Variants in ARAP2 observed in about 807,000 individuals in gnomAD.
ARAP2 encodes the protein ArfGAP with RhoGAP domain, ankyrin repeat and PH domain 2.
Under a neutral mutation model 194.5 loss-of-function variants are expected in ARAP2, and 148 were observed. The observed-to-expected ratio is 0.76, with a 90% CI of 0.67 to 0.87. The LOEUF is 0.87. Among genes scored for constraint, ARAP2 ranks in the 40% least tolerant of loss-of-function variants. The pLI, the probability that ARAP2 is intolerant of heterozygous loss-of-function variation, is 0.00. For synonymous variants in ARAP2, 695 were observed against 683.5 expected, an observed-to-expected ratio of 1.02 and a Z score of -0.26; for missense variants, 2,128 against 1,989.7, an observed-to-expected ratio of 1.07 and a Z score of -1.32.
Position 36,165,071 on chromosome 4 carries a change from T to A in ARAP2, c.2016A>T (p.Glu672Asp), listed in dbSNP as rs112163750. ...ETEKEKQDWI[E>D]AVQQSIAETL... ...TTTCTGCTATTGATTGCTGCACAGCTTCAATCCAGTCTTGTTTCTCCTTTT... is the reference window on the plus strand; with the variant it reads ...TTTCTGCTATTGATTGCTGCACAGCATCAATCCAGTCTTGTTTCTCCTTTT... Residue 672 changes from glutamate (E) to aspartate (D), a missense_variant, in exon 11 of 33, where the codon GAA becomes GAT. Transcript: ENST00000303965. 6 of 1,613,996 alleles carry A rather than the reference T, an allele frequency of 3.7e-6. No individual in the cohort carries two copies. Among genetic ancestry groups the A allele is most frequent in the Non-Finnish European group, 4.2e-6 (5 of 1,179,958 alleles).
rs1400778097 is a variant in ARAP2 at position 36,171,630 on chromosome 4, C to T, written c.1858-4583G>A. ...GCACATGTATACATATGTAACTAAC[C>T]TGCACATTGTGTACATGTACCCTAA... On this transcript the variant is annotated intron_variant, in intron 9 of 32. Coordinates refer to ENST00000303965, the MANE Select transcript of ARAP2 (RefSeq NM_015230.4). Among the ~76,000 whole-genome samples the T allele has an allele frequency of 2.0e-5, 3 of 151,816 alleles. No homozygotes were observed. In the South Asian group the frequency reaches 6.2e-4, roughly 32 times the overall value.
At chr4:36,093,427 C>G (rs926668065) in intron 27 of ARAP2, among the ~76,000 whole-genome samples, 9 of 151,996 alleles carry the variant, frequency 5.9e-5, no homozygotes, top group African/African-American at 1.9e-4. Flanking sequence ...ACTTGAAAAA[C>G]TAAATCTAAA....
intron 14 of ARAP2, 70 bp from the exon 15 acceptor site, chr4:36,158,934 G>T (rs1166171207): frequency 1.5e-6 from 2 of 1,370,528 alleles, no homozygotes; most frequent in South Asian, 1.6e-5. Flanking sequence ...TTTATAATAT[G>T]TACATGAGTT....
Position 36,158,838 on chromosome 4 carries a change from C to A in ARAP2, c.2644G>T (p.Glu882Ter). 1 of 1,602,654 alleles carries A rather than the reference C, an allele frequency of 6.2e-7. No homozygotes were observed. Among genetic ancestry groups the A allele is most frequent in the Non-Finnish European group, 8.5e-7 (1 of 1,176,796 alleles). ...SDFPQHDIHS[E>*]GVLSQESSQS... ...GAAGACTCTTGACTTAATACACCCTCGGAATGAATATCATGTTGAGGGAAA... is the reference window on the plus strand; with the variant it reads ...GAAGACTCTTGACTTAATACACCCTAGGAATGAATATCATGTTGAGGGAAA... The change falls in exon 15 of 33, where the codon GAG becomes TAG. Residue 882 changes from glutamate (E) to a stop codon, truncating the protein, a stop_gained. Transcript: ENST00000303965. LOFTEE classifies it high-confidence loss of function.
chr4:36,059,813 A>C (rs115601816), intron 1 of ARAP2, among the ~76,000 whole-genome samples: 130 of 152,304 alleles, frequency 8.5e-4, no homozygotes, highest in African/African-American at 3.0e-3. Context: ...AGATGGTGAT[A>C]GGTCAATATG....
chr4:36,132,375 A>G (rs1481581613), intron 20 of ARAP2, among the ~76,000 whole-genome samples: 3 of 151,732 alleles, frequency 2.0e-5, no homozygotes, highest in African/African-American at 4.8e-5. Flanking sequence ...ATATTAGGAG[A>G]ATAAAAATTT....
intron 19 of ARAP2, among the ~76,000 whole-genome samples, chr4:36,145,458 A>G (rs1729412376): frequency 6.6e-6 from 1 of 152,012 alleles, no homozygotes. Flanking sequence ...GTACTCACTT[A>G]TAAGTGGGAG....
intron 21 of ARAP2, among the ~76,000 whole-genome samples, chr4:36,128,051 T>TCATTAG (rs2076114727): frequency 6.6e-6 from 1 of 151,988 alleles, no homozygotes; most frequent in Admixed American, 6.6e-5. Flanking sequence ...AAACTCTATT[T>TCATTAG]CATTAGATGG....
At chr4:36,046,332 C>T (rs981011267) in intron 4 of ARAP2, among the ~76,000 whole-genome samples, 1 of 152,106 alleles carries the variant, frequency 6.6e-6, no homozygotes, top group Non-Finnish European at 1.5e-5. Flanking sequence ...GCTCATGCCA[C>T]AATGGCTGGC....
intron 27 of ARAP2, among the ~76,000 whole-genome samples, chr4:36,099,444 A>C (rs1276631231): frequency 1.3e-5 from 2 of 152,126 alleles, no homozygotes; most frequent in Non-Finnish European, 2.9e-5. Context: ...CAGAAAATAT[A>C]ATCTAATAGT....
At chr4:36,025,327 A>G (rs1451926492) in intron 5 of ARAP2, among the ~76,000 whole-genome samples, 1 of 152,108 alleles carries the variant, frequency 6.6e-6, no homozygotes, top group Admixed American at 6.6e-5. Context: ...TTTCTTTTTA[A>G]AGCAACTCTT....
rs543142014 is a variant in ARAP2, at chr4:36,147,651, C to G, written c.3096G>C (p.Trp1032Cys). The stretch of plus-strand genomic sequence containing the variant: ...TGTCCATAGCAAACCAGCCTTTTCT[C>G]CACTGATCCAGGGCATGGCAGTCTT... ...FYKDCHALDQ[W>C]RKGWFAMDKS... The change falls in exon 18 of 33, where the codon TGG (tryptophan) becomes TGC (cysteine). Residue 1032 changes from tryptophan to cysteine, a missense_variant. By Grantham distance (215) the Trp-to-Cys change is radical. Transcript: ENST00000303965. The G allele has an allele frequency of 6.2e-7, 1 of 1,613,486 alleles. No individual in the cohort carries two copies. Among genetic ancestry groups the G allele is most frequent in the African/African-American group, 1.3e-5 (1 of 75,002 alleles).
At chr4:36,163,830 A>C (rs962181956) in intron 11 of ARAP2, among the ~76,000 whole-genome samples, 6 of 152,248 alleles carry the variant, frequency 3.9e-5, no homozygotes, top group Non-Finnish European at 8.8e-5. Flanking sequence ...ACTGGAGAGA[A>C]GAAAAGGATG....
intron 22 of ARAP2, among the ~76,000 whole-genome samples, chr4:36,123,809 ACT>A (rs1287933740): frequency 6.6e-6 from 1 of 151,578 alleles, no homozygotes; most frequent in African/African-American, 2.4e-5. Context: ...GCCAACTATA[ACT>A]CTGTCATCTT....
rs953359672 is a variant in ARAP2, at chr4:36,148,455, C to A, written c.2950G>T (p.Gly984Ter). 3 of 1,612,926 alleles carry A rather than the reference C, an allele frequency of 1.9e-6. No homozygotes were observed. The highest frequency in any genetic ancestry group is 2.5e-6 in the Non-Finnish European group (3 of 1,179,404). Residue 984 changes from glycine (G) to a stop codon, truncating the protein, a stop_gained, in exon 17 of 33, where the codon GGA (glycine) becomes TGA (stop). Coordinates refer to ENST00000303965, the MANE Select transcript of ARAP2 (RefSeq NM_015230.4). LOFTEE classifies it high-confidence loss of function. ...CTTTGAGCTTGAGATGTTTCAGCTC[C>A]AAATAAAAACACACGTTCGGAGGGT... ...YLPSERVFLF[G>*]AETSQAQRKW...
chr4:36,024,868 T>G (rs1717628528), intron 5 of ARAP2, among the ~76,000 whole-genome samples: 1 of 152,154 alleles, frequency 6.6e-6, no homozygotes, highest in Non-Finnish European at 1.5e-5. Context: ...AAATGTGGGT[T>G]TTCTGTTATT....
intron 5 of ARAP2, among the ~76,000 whole-genome samples, chr4:36,045,572 C>T (rs1721672974): frequency 6.6e-6 from 1 of 152,074 alleles, no homozygotes; most frequent in African/African-American, 2.4e-5. Context: ...AAATGTGAGA[C>T]AAATGGTACA....
intron 13 of ARAP2, chr4:36,160,101 T>G (rs1342195700): frequency 2.0e-6 from 2 of 994,150 alleles, no homozygotes; most frequent in Non-Finnish European, 2.4e-6. Context: ...AGAATCCTTT[T>G]TTTTTCTTTT....
chr4:36,236,639 T>A (rs1752508567), intron 1 of ARAP2, among the ~76,000 whole-genome samples: 1 of 152,204 alleles, frequency 6.6e-6, no homozygotes, highest in Admixed American at 6.5e-5. Flanking sequence ...ATGAAACTTT[T>A]CAACATTATC....
Sources: allele counts gnomAD v4.1 joint callset (sites outside exome capture counted in the v4.1 genomes callset), GRCh38; gene constraint gnomAD v4.1.1; transcripts MANE v1.5; gene names NCBI Gene and HGNC (gene_info 2026-07-23, HGNC 2026-07-21).